ETAA1: variants seen among roughly 807,000 people sequenced by gnomAD.
ETAA1 encodes the protein ewing's tumor-associated antigen 1.
Under a neutral mutation model 76.8 loss-of-function variants are expected in ETAA1, and 49 were observed. That is an observed-to-expected ratio of 0.64 (90% CI 0.51 to 0.81). The LOEUF is 0.81. ETAA1 is among the 30% of genes least tolerant of loss of function. ETAA1 has a pLI of 0.00. For missense variants in ETAA1, 1,099 were observed against 1,074.0 expected (o/e 1.02, Z -0.32); for synonymous variants, 373 against 372.2 (o/e 1.00, Z -0.03).
At position 67,404,688 on chromosome 2, in the gene ETAA1, A is replaced by G. The variant is rs1388260793; in HGVS notation, c.2006A>G (p.Asn669Ser). The G allele has an allele frequency of 1.9e-6, 3 of 1,613,226 alleles. No individual in the cohort carries two copies. Among genetic ancestry groups the G allele is most frequent in the Non-Finnish European group, 2.5e-6 (3 of 1,179,556 alleles). The change falls in exon 5 of 6, where the codon AAT (asparagine) becomes AGT (serine). Residue 669 changes from asparagine (N) to serine (S), a missense_variant. Physicochemically the swap from Asn to Ser is conservative, Grantham distance 46. This residue lies in a region of ETAA1 where 36 missense variants were observed against 64.0 expected (regional missense o/e 0.56). Coordinates refer to ENST00000272342, the MANE Select transcript of ETAA1 (RefSeq NM_019002.4). The part of the protein sequence containing the change: ...SKTSESICEI[N>S]NNSEHGAKNM... ...ACATCAGAAAGTATATGTGAGATCA[A>G]TAATAATTCCGAACATGGAGCCAAA...
rs141373762 is a variant in ETAA1, at chr2:67,404,244, A to C, written c.1562A>C (p.Lys521Thr). 3.7e-5 allele frequency: 60 copies of C among 1,612,518 alleles called. No homozygotes were observed. The East Asian group carries it at 1.3e-3, about 36-fold the overall frequency. ...LTNSTEASERKSALNTRYSNE... is the reference protein window; with the variant it reads ...LTNSTEASERTSALNTRYSNE... ...AACTCTACTGAAGCTTCTGAAAGGA[A>C]GTCAGCTTTGAACACAAGGTATTCT... The change falls in exon 5 of 6, where the codon AAG becomes ACG. Residue 521 changes from lysine to threonine, a missense_variant. Physicochemically the swap from Lys to Thr is moderately conservative, Grantham distance 78 (BLOSUM62 -1). Coordinates refer to ENST00000272342, the MANE Select transcript of ETAA1 (RefSeq NM_019002.4).
chr2:67,399,211 T>G lies in ETAA1; in HGVS notation c.266T>G (p.Leu89Arg). The change falls in exon 2 of 6, where the codon CTG (leucine) becomes CGG (arginine). Residue 89 changes from leucine (L) to arginine (R), a missense_variant. By Grantham distance (102) the Leu-to-Arg change is moderately radical. Coordinates refer to ENST00000272342, the MANE Select transcript of ETAA1 (RefSeq NM_019002.4). Reference protein sequence around the residue: ...TPKRALKMDSLSSSFSSPNDP... With the variant: ...TPKRALKMDSRSSSFSSPNDP... ...AAGAGAGCGCTGAAAATGGACTCAC[T>G]GTCATCTTCCTTCAGTTCTCCTAAT... The G allele has an allele frequency of 1.2e-6, 2 of 1,613,550 alleles. No individual in the cohort carries two copies. Among genetic ancestry groups the G allele is most frequent in the Non-Finnish European group, 1.7e-6 (2 of 1,179,580 alleles).
rs1676354012 is a variant in ETAA1, at chr2:67,410,829, T to G, written c.*791T>G. ...AATGCTGTGCTACAATTAGAATGAT[T>G]TATTTGGACACCTAAACAATTATAC... On this transcript the variant is annotated 3_prime_UTR_variant, in exon 6 of 6. Transcript: ENST00000272342. 6.6e-6 allele frequency: 1 copy of G among 152,092 alleles called. No individual in the cohort carries two copies. Among genetic ancestry groups the G allele is most frequent in the Non-Finnish European group, 1.5e-5 (1 of 67,976 alleles). The allele number at this position is 152,092 out of a possible 1,614,324, so 9.4% of individuals were successfully genotyped here.
Position 67,410,026 on chromosome 2 carries a change from T to A in ETAA1, c.2769T>A (p.Thr923=), listed in dbSNP as rs1462442997. 6.2e-7 allele frequency: 1 copy of A among 1,602,840 alleles called. No individual in the cohort carries two copies. Among genetic ancestry groups the A allele is most frequent in the Non-Finnish European group, 8.5e-7 (1 of 1,176,702 alleles). Residue 923 remains threonine, a synonymous_variant, in exon 6 of 6, where the codon ACT becomes ACA. Coordinates refer to ENST00000272342, the MANE Select transcript of ETAA1 (RefSeq NM_019002.4). ...CCTCATCTGTAAATGCAGCTCCCAC[T>A]TCATTTCTTTAATGAAATATTAGTT... ...ARASSVNAAP[T]SFL is the part of the protein sequence containing the mutation.
Position 67,403,385 on chromosome 2 carries a change from A to G in ETAA1, c.703A>G (p.Ile235Val), listed in dbSNP as rs1323065642. 1.2e-6 allele frequency: 2 copies of G among 1,605,626 alleles called. No homozygotes were observed. Among genetic ancestry groups the G allele is most frequent in the Non-Finnish European group, 1.7e-6 (2 of 1,173,046 alleles). The change falls in exon 5 of 6, where the codon ATA becomes GTA. Residue 235 changes from isoleucine (I) to valine (V), a missense_variant. Physicochemically the swap from Ile to Val is conservative, Grantham distance 29. Transcript: ENST00000272342. ...GATTTTAAGTAATTATAAAGATAATATACAGATGTGGTCATTACATAATAT... is the reference window on the plus strand; with the variant it reads ...GATTTTAAGTAATTATAAAGATAATGTACAGATGTGGTCATTACATAATAT... ...TEILSNYKDN[I>V]QMWSLHNIVP... is the part of the protein sequence containing the mutation.
intron 4 of ETAA1, 58 bp from the exon 5 acceptor site, chr2:67,403,167 A>G: frequency 8.0e-7 from 1 of 1,247,920 alleles, no homozygotes; most frequent in Non-Finnish European, 1.1e-6. Flanking sequence ...TATGTTAAAT[A>G]ACAGTTGGAT....
At chr2:67,402,678 CTTA>C (rs1380896253) in intron 3 of ETAA1, 181 bp from the exon 4 acceptor site, 9 of 309,640 alleles carry the variant, frequency 2.9e-5, no homozygotes, top group African/African-American at 1.7e-4. Context: ...ATTATTGTAG[CTTA>C]TTATTGCTAT....
Position 67,403,635 on chromosome 2 carries a change from C to G in ETAA1, c.953C>G (p.Ala318Gly). 1 of 1,613,312 alleles carries G rather than the reference C, an allele frequency of 6.2e-7. No homozygotes were observed. Among genetic ancestry groups the G allele is most frequent in the East Asian group, 2.2e-5 (1 of 44,856 alleles). The change falls in exon 5 of 6, where the codon GCT becomes GGT. Residue 318 changes from alanine (A) to glycine (G), a missense_variant. Ala to Gly is a moderately conservative substitution (Grantham distance 60). This residue lies in a region of ETAA1 where 761 missense variants were observed against 731.9 expected (regional missense o/e 1.04). Transcript: ENST00000272342. ...TSNTTFVKTNALKEEKIITNE... is the reference protein window; with the variant it reads ...TSNTTFVKTNGLKEEKIITNE... Reference sequence around the variant, plus strand: ...AATACTACCTTTGTAAAGACAAATGCTTTGAAAGAGGAGAAAATCATTACT... The same window carrying G: ...AATACTACCTTTGTAAAGACAAATGGTTTGAAAGAGGAGAAAATCATTACT...
At chr2:67,407,899 C>G (rs962306830) in intron 5 of ETAA1, among the ~76,000 whole-genome samples, 4 of 151,972 alleles carry the variant, frequency 2.6e-5, no homozygotes, top group Non-Finnish European at 4.4e-5. Flanking sequence ...AAACAACCTA[C>G]AAATGAGTGG....
chr2:67,407,520 A>G (rs981789336), intron 5 of ETAA1, among the ~76,000 whole-genome samples: 1 of 152,224 alleles, frequency 6.6e-6, no homozygotes, highest in African/African-American at 2.4e-5. Flanking sequence ...TTATTTACAG[A>G]TAGAGTTGAC....
intron 5 of ETAA1, among the ~76,000 whole-genome samples, chr2:67,405,665 GTTCA>G (rs1030702852): frequency 6.6e-6 from 1 of 151,892 alleles, no homozygotes; most frequent in Non-Finnish European, 1.5e-5. Flanking sequence ...GTATTATAGT[GTTCA>G]TTAAGATTGT....
In ETAA1 at chr2:67,399,567, C is replaced by T; in HGVS notation, c.370C>T (p.Gln124Ter). ...TKQLGKGRKK[Q>*]IYTTDSDEIS... is the part of the protein sequence containing the mutation. ...TTCTTTAGGTAAAGGAAGAAAAAAA[C>T]AGATTTACACCACAGATAGTGATGA... is the stretch of plus-strand genomic sequence containing the variant. The change falls in exon 3 of 6, where the codon CAG (glutamine) becomes TAG (stop). Residue 124 changes from glutamine (Q) to a stop codon, truncating the protein, a stop_gained. Coordinates refer to ENST00000272342, the MANE Select transcript of ETAA1 (RefSeq NM_019002.4). LOFTEE classifies it high-confidence loss of function. 4 of 1,604,192 alleles carry T rather than the reference C, an allele frequency of 2.5e-6. No homozygotes were observed. Among genetic ancestry groups the T allele is most frequent in the Non-Finnish European group, 3.4e-6 (4 of 1,174,726 alleles).
At chr2:67,409,884 A>G in intron 5 of ETAA1, 27 bp from the exon 6 acceptor site, 1 of 1,580,024 alleles carries the variant, frequency 6.3e-7, no homozygotes, top group Non-Finnish European at 8.6e-7. Flanking sequence ...CTATAAAAGT[A>G]AAACTCATCT....
chr2:67,403,750 T>C lies in ETAA1; in HGVS notation c.1068T>C (p.Cys356=), dbSNP rs1251110811. 1 of 1,613,302 alleles carries C rather than the reference T, an allele frequency of 6.2e-7. No homozygotes were observed. The highest frequency in any genetic ancestry group is 8.5e-7 in the Non-Finnish European group (1 of 1,179,488). Residue 356 remains cysteine, a synonymous_variant, in exon 5 of 6, where the codon TGT becomes TGC. Transcript: ENST00000272342. ...ATACACCCATAATGACAAAATCATG[T>C]GTGACTTCCTGTACTAAGGAGCCAG... ...QVDTPIMTKS[C]VTSCTKEPET... is the part of the protein sequence containing the mutation.
intron 5 of ETAA1, among the ~76,000 whole-genome samples, chr2:67,409,350 A>G (rs1302580820): frequency 2.6e-5 from 4 of 152,152 alleles, no homozygotes; most frequent in South Asian, 2.1e-4. Flanking sequence ...AGTGAATCAC[A>G]GGTAACCAGT....
Position 67,410,112 on chromosome 2 carries a change from AT to A in ETAA1, c.*77del. 7.1e-7 allele frequency: 1 copy of A among 1,400,878 alleles called. No individual in the cohort carries two copies. The highest frequency in any genetic ancestry group is 1.5e-5 in the African/African-American group (1 of 67,354). 86.8% of individuals were successfully genotyped at this position (1,400,878 alleles called of 1,614,324 possible). On this transcript the variant is annotated 3_prime_UTR_variant, in exon 6 of 6. Coordinates refer to ENST00000272342, the MANE Select transcript of ETAA1 (RefSeq NM_019002.4). ...GATTGATAGGAAATTTTTTTTCTTG[AT>A]TTCTCTGTGAGAAATGTAATGCTGA...
intron 5 of ETAA1, among the ~76,000 whole-genome samples, chr2:67,406,921 C>G (rs908076490): frequency 7.9e-5 from 12 of 151,946 alleles, no homozygotes; most frequent in Non-Finnish European, 1.5e-4. Flanking sequence ...TTAACTGTTT[C>G]TCTGTGATGG....
chr2:67,409,804 C>T, intron 5 of ETAA1, 107 bp from the exon 6 acceptor site: 1 of 963,558 alleles, frequency 1.0e-6, no homozygotes, highest in Non-Finnish European at 1.5e-6. Context: ...ATTTAATAGC[C>T]AACTAATATG....
In ETAA1 at chr2:67,409,912, G is replaced by C; in HGVS notation, c.2655G>C (p.Glu885Asp). 6.3e-7 allele frequency: 1 copy of C among 1,588,550 alleles called. No homozygotes were observed. Among genetic ancestry groups the C allele is most frequent in the Non-Finnish European group, 8.5e-7 (1 of 1,172,130 alleles). Residue 885 changes from glutamate to aspartate, a missense_variant and splice_region_variant, in exon 6 of 6, where the codon GAG (glutamate) becomes GAC (aspartate). By Grantham distance (45) the Glu-to-Asp change is conservative. This residue lies in a region of ETAA1 where 302 missense variants were observed against 278.1 expected (regional missense o/e 1.09). Coordinates refer to ENST00000272342, the MANE Select transcript of ETAA1 (RefSeq NM_019002.4). ...LSESLKQSSKEEEEKNRKCSP... is the reference protein window; with the variant it reads ...LSESLKQSSKDEEEKNRKCSP... ...ACTCATCTTTTGTTGAATTTTTAGA[G>C]GAAGAAGAGAAAAATAGAAAGTGTT...
Sources: gnomAD v4.1 joint callset for allele counts (sites outside exome capture counted in the v4.1 genomes callset) on GRCh38, gnomAD v4.1.1 for gene constraint, gnomAD v4.1.1 regional missense constraint, MANE v1.5 for transcripts, NCBI Gene and HGNC (gene_info 2026-07-23, HGNC 2026-07-21) for gene names.